The following PPM1D variants were observed in gnomAD, a reference collection of about 807,000 sequenced individuals.
The protein encoded by PPM1D is protein phosphatase 1D.
Under a neutral mutation model 58.3 loss-of-function variants are expected in PPM1D, and 52 were observed. The ratio of observed to expected loss-of-function variants is 0.89; its 90% CI spans 0.71 to 1.12. The LOEUF (loss-of-function observed/expected upper bound fraction) is 1.12. PPM1D is among the 50% of genes most tolerant of loss of function. PPM1D has a pLI of 0.00. For synonymous variants in PPM1D, 278 were observed against 285.1 expected (o/e 0.98, Z 0.25); for missense variants, 564 against 777.2 (o/e 0.73, Z 3.26).
intron 2 of PPM1D, among the ~76,000 whole-genome samples, chr17:60,627,195 A>G (rs1036001786): frequency 2.6e-5 from 4 of 152,174 alleles, no homozygotes; most frequent in Non-Finnish European, 4.4e-5. Flanking sequence ...GAAGCTTTTT[A>G]ATAAAGTCTG....
At chr17:60,634,740 G>A (rs2030991138) in intron 3 of PPM1D, among the ~76,000 whole-genome samples, 1 of 152,120 alleles carries the variant, frequency 6.6e-6, no homozygotes. Context: ...CTAGATGGGG[G>A]TAGTTTTTTC....
intron 1 of PPM1D, among the ~76,000 whole-genome samples, chr17:60,618,473 A>G (rs1408619054): frequency 1.3e-5 from 2 of 152,174 alleles, no homozygotes; most frequent in Non-Finnish European, 2.9e-5. Context: ...TCGAACTTTA[A>G]TTTGTGCGGT....
chr17:60,665,775 T>G lies in PPM1D; in HGVS notation c.*2223T>G, dbSNP rs111800097. On this transcript the variant is annotated 3_prime_UTR_variant, in exon 6 of 6. Transcript: ENST00000305921. ...GGGCTACAATCTTTCGAAGGTGTCA[T>G]TGGGGCTAGAAGATCTGCTTCCCGC... The G allele has an allele frequency of 1.3e-5, 2 of 152,294 alleles. No individual in the cohort carries two copies. The highest frequency in any genetic ancestry group is 4.8e-5 in the African/African-American group (2 of 41,568). 9.4% of individuals were successfully genotyped at this position (152,294 alleles called of 1,614,324 possible). A position where few individuals can be genotyped will look rare whatever the true frequency, so the allele number is the denominator to read the frequency against.
chr17:60,645,569 T>A (rs2031229567), intron 3 of PPM1D, among the ~76,000 whole-genome samples: 1 of 138,560 alleles, frequency 7.2e-6, no homozygotes, highest in African/African-American at 2.9e-5. Context: ...TGTGTATATA[T>A]ATGTATATAT....
intron 2 of PPM1D, among the ~76,000 whole-genome samples, chr17:60,632,948 CAA>C (rs1479289365): frequency 6.6e-6 from 1 of 151,696 alleles, no homozygotes; most frequent in Non-Finnish European, 1.5e-5. Context: ...GTCTGGACAA[CAA>C]GAGCAAAACT....
intron 3 of PPM1D, among the ~76,000 whole-genome samples, chr17:60,644,786 A>T (rs1201596957): frequency 1.3e-5 from 2 of 152,260 alleles, no homozygotes; most frequent in Non-Finnish European, 2.9e-5. Context: ...TAGCATACAC[A>T]GTCTATCATA....
intron 1 of PPM1D, among the ~76,000 whole-genome samples, chr17:60,621,242 A>G (rs1028236339): frequency 2.0e-5 from 3 of 152,066 alleles, no homozygotes; most frequent in Non-Finnish European, 4.4e-5. Context: ...CTTTCAATGT[A>G]TTTCTTACAT....
Position 60,663,185 on chromosome 17 carries a change from TAAGGA to T in PPM1D, c.1452_1456del (p.Leu484PhefsTer3). The T allele has an allele frequency of 6.2e-7, 1 of 1,614,156 alleles. No individual in the cohort carries two copies. Among genetic ancestry groups the T allele is most frequent in the Non-Finnish European group, 8.5e-7 (1 of 1,179,974 alleles). ...GAAAATTGCGCTAAAGCCCTGACTT[TAAGGA>T]TACATGATTCTTTGAATAATAGCCT... is the stretch of plus-strand genomic sequence containing the variant. On this transcript the variant is annotated frameshift_variant, in exon 6 of 6. Coordinates refer to ENST00000305921, the MANE Select transcript of PPM1D (RefSeq NM_003620.4). LOFTEE classifies it high-confidence loss of function.
At chr17:60,612,717 C>T (rs1302465793) in intron 1 of PPM1D, among the ~76,000 whole-genome samples, 20 of 151,716 alleles carry the variant, frequency 1.3e-4, no homozygotes, top group Non-Finnish European at 5.9e-5. Context: ...GGTCTTGCTG[C>T]TGGATGTGTA....
chr17:60,659,977 C>T (rs948418306), intron 5 of PPM1D, among the ~76,000 whole-genome samples: 3 of 152,002 alleles, frequency 2.0e-5, no homozygotes, highest in South Asian at 2.1e-4. Flanking sequence ...TTTGGGAGGC[C>T]GAGGCGGGTG....
chr17:60,645,482 G>GTGTGTGTA (rs1555647644), intron 3 of PPM1D, among the ~76,000 whole-genome samples: 42 of 138,518 alleles, frequency 3.0e-4, no homozygotes, highest in African/African-American at 1.3e-3. Flanking sequence ...GTGTGTGTGT[G>GTGTGTGTA]TGTGTGTGTG....
chr17:60,634,042 AGAG>A (rs749652249), intron 3 of PPM1D, 65 bp downstream of exon 3: 6 of 1,548,852 alleles, frequency 3.9e-6, no homozygotes, highest in Non-Finnish European at 4.4e-6. Context: ...GCAAAATAAA[AGAG>A]GAGACAGAAC....
Position 60,600,683 on chromosome 17 carries a change from G to T in PPM1D, c.269G>T (p.Arg90Leu), listed in dbSNP as rs2030189203. Residue 90 changes from arginine (R) to leucine (L), a missense_variant, in exon 1 of 6, where the codon CGC becomes CTC. Transcript: ENST00000305921. ...PDAGASPAPS[R>L]CCRRRSSVAF... is the part of the protein sequence containing the mutation. ...GCCGGGGCCTCGCCGGCACCTAGCCGCTGCTGCCGCCGCCGTTCCTCCGTG... is the reference window on the plus strand; with the variant it reads ...GCCGGGGCCTCGCCGGCACCTAGCCTCTGCTGCCGCCGCCGTTCCTCCGTG... 1 of 1,581,146 alleles carries T rather than the reference G, an allele frequency of 6.3e-7. No homozygotes were observed. The highest frequency in any genetic ancestry group is 8.6e-7 in the Non-Finnish European group (1 of 1,165,976).
At chr17:60,657,285 TG>T (rs2031458909) in intron 5 of PPM1D, among the ~76,000 whole-genome samples, 1 of 152,166 alleles carries the variant, frequency 6.6e-6, no homozygotes, top group African/African-American at 2.4e-5. Flanking sequence ...TACAACTGGT[TG>T]TCTGTTAACT....
At chr17:60,621,381 TTTTGTTTGTTTG>T (rs537109290) in intron 1 of PPM1D, among the ~76,000 whole-genome samples, 2 of 145,848 alleles carry the variant, frequency 1.4e-5, no homozygotes, top group South Asian at 2.1e-4. Flanking sequence ...TACCTCAGAG[TTTTGTTTGTTTG>T]TTTGTTTGTT....
chr17:60,639,403 C>T (rs539744241), intron 3 of PPM1D, among the ~76,000 whole-genome samples: 38 of 151,862 alleles, frequency 2.5e-4, no homozygotes, highest in Middle Eastern at 3.4e-3. Context: ...AGAGCCACAG[C>T]GCCTGGCTAA....
chr17:60,616,724 G>A (rs555808069), intron 1 of PPM1D, among the ~76,000 whole-genome samples: 1 of 152,268 alleles, frequency 6.6e-6, no homozygotes, highest in African/African-American at 2.4e-5. Flanking sequence ...ATATAATAAA[G>A]GTGACATTTC....
intron 3 of PPM1D, among the ~76,000 whole-genome samples, chr17:60,643,886 T>TTC (rs1555647468): frequency 1.2e-4 from 16 of 137,320 alleles, no homozygotes; most frequent in South Asian, 5.0e-4. Flanking sequence ...TTCTTTTCTT[T>TTC]TTTTTTTTTT....
intron 1 of PPM1D, among the ~76,000 whole-genome samples, chr17:60,611,311 A>G (rs1456492330): frequency 6.6e-6 from 1 of 152,114 alleles, no homozygotes. Flanking sequence ...GTAAGCCACC[A>G]TGCCTGGCCA....
Sources: gnomAD v4.1 joint callset for allele counts (sites outside exome capture counted in the v4.1 genomes callset) on GRCh38, gnomAD v4.1.1 for gene constraint, MANE v1.5 for transcripts, NCBI Gene and HGNC (gene_info 2026-07-23, HGNC 2026-07-21) for gene names.